PHLPP1: variants seen among roughly 807,000 people sequenced by gnomAD.
PHLPP1 encodes the protein PH domain leucine-rich repeat-containing protein phosphatase 1.
In PHLPP1, 42 loss-of-function variants were observed where a neutral mutation model predicts 117.2. The observed-to-expected ratio is 0.36, with a 90% confidence interval of 0.28 to 0.46. The LOEUF (loss-of-function observed/expected upper bound fraction) is 0.46. Among genes scored for constraint, PHLPP1 ranks in the 20% least tolerant of loss-of-function variants. PHLPP1 has a pLI of 1.00. For synonymous variants in PHLPP1, 1,042 were observed against 970.7 expected (o/e 1.07, Z -1.37); for missense variants, 2,084 against 2,241.9 (o/e 0.93, Z 1.42).
intron 13 of PHLPP1, among the ~76,000 whole-genome samples, chr18:62,962,374 C>G (rs1310760923): frequency 1.3e-5 from 2 of 152,194 alleles, no homozygotes; most frequent in African/African-American, 4.8e-5. Context: ...GTGGCACAAT[C>G]TTGGCTCACC....
intron 1 of PHLPP1, among the ~76,000 whole-genome samples, chr18:62,795,199 C>T (rs749345854): frequency 1.3e-5 from 2 of 151,880 alleles, no homozygotes; most frequent in Admixed American, 6.6e-5. Flanking sequence ...AAAAACTGGC[C>T]GGGCGCGATG....
chr18:62,917,394 C>G (rs981565459), intron 9 of PHLPP1, among the ~76,000 whole-genome samples: 14 of 58,256 alleles, frequency 2.4e-4, no homozygotes, highest in Admixed American at 1.5e-3. Context: ...AAACAGTATT[C>G]TTTGTGTGTG....
intron 1 of PHLPP1, among the ~76,000 whole-genome samples, chr18:62,789,134 G>C (rs890456587): frequency 6.6e-6 from 1 of 152,170 alleles, no homozygotes; most frequent in Non-Finnish European, 1.5e-5. Context: ...TGAGCACACA[G>C]GGGGTGGGGA....
At chr18:62,813,365 T>G (rs1249130258) in intron 1 of PHLPP1, among the ~76,000 whole-genome samples, 2 of 152,114 alleles carry the variant, frequency 1.3e-5, no homozygotes, top group African/African-American at 4.8e-5. Flanking sequence ...TGGAATCGTG[T>G]AATGGAGGGA....
At chr18:62,722,114 G>T (rs527251951) in intron 1 of PHLPP1, among the ~76,000 whole-genome samples, 1 of 152,304 alleles carries the variant, frequency 6.6e-6, no homozygotes, top group African/African-American at 2.4e-5. Flanking sequence ...CATGGCAGGA[G>T]ATTTTAGATG....
At chr18:62,866,879 C>T (rs1444293071) in intron 4 of PHLPP1, among the ~76,000 whole-genome samples, 1 of 151,996 alleles carries the variant, frequency 6.6e-6, no homozygotes, top group East Asian at 1.9e-4. Context: ...ACTGCACACA[C>T]CCTCTCTCCC....
chr18:62,801,864 A>G (rs537206420), intron 1 of PHLPP1, among the ~76,000 whole-genome samples: 25 of 152,134 alleles, frequency 1.6e-4, no homozygotes, highest in Non-Finnish European at 2.8e-4. Flanking sequence ...TGTTTTTCTC[A>G]TATTTCATAT....
At chr18:62,790,735 A>G (rs959351877) in intron 1 of PHLPP1, among the ~76,000 whole-genome samples, 1 of 152,152 alleles carries the variant, frequency 6.6e-6, no homozygotes, top group Non-Finnish European at 1.5e-5. Context: ...GAAACTGTGG[A>G]TAGAAAGATT....
At chr18:62,810,197 G>C (rs1198569292) in intron 1 of PHLPP1, among the ~76,000 whole-genome samples, 1 of 152,178 alleles carries the variant, frequency 6.6e-6, no homozygotes, top group East Asian at 1.9e-4. Context: ...TGTATCTATA[G>C]TAGTTTGAAT....
intron 1 of PHLPP1, among the ~76,000 whole-genome samples, chr18:62,722,259 A>G (rs1179454245): frequency 6.6e-6 from 1 of 152,216 alleles, no homozygotes; most frequent in African/African-American, 2.4e-5. Flanking sequence ...TTAATTTTGC[A>G]GTGAATTTAA....
chr18:62,722,615 G>T (rs1910956141), intron 1 of PHLPP1, among the ~76,000 whole-genome samples: 1 of 151,906 alleles, frequency 6.6e-6, no homozygotes, highest in South Asian at 2.1e-4. Context: ...GTGATTCTAC[G>T]GCAAACCCTT....
At chr18:62,892,108 T>TAC (rs1555680028) in intron 4 of PHLPP1, among the ~76,000 whole-genome samples, 36 of 117,240 alleles carry the variant, frequency 3.1e-4, no homozygotes, top group Non-Finnish European at 4.2e-4. Context: ...TTTTTTTTTT[T>TAC]ACGGAGTTTT....
At chr18:62,774,568 T>C (rs1599040829) in intron 1 of PHLPP1, among the ~76,000 whole-genome samples, 1 of 152,338 alleles carries the variant, frequency 6.6e-6, no homozygotes, top group East Asian at 1.9e-4. Flanking sequence ...CATCCCTTCT[T>C]TTAAAAGAGG....
intron 1 of PHLPP1, among the ~76,000 whole-genome samples, chr18:62,805,547 C>G (rs548675827): frequency 6.6e-6 from 1 of 152,094 alleles, no homozygotes; most frequent in Non-Finnish European, 1.5e-5. Context: ...TTTGTAGAGA[C>G]TGAGAGTCTT....
chr18:62,913,916 G>T (rs1454639815), intron 8 of PHLPP1, among the ~76,000 whole-genome samples: 1 of 151,712 alleles, frequency 6.6e-6, no homozygotes, highest in African/African-American at 2.4e-5. Context: ...GCTAATTTTT[G>T]TATTTTTTTA....
At chr18:62,750,600 CA>C (rs2093862532) in intron 1 of PHLPP1, among the ~76,000 whole-genome samples, 2 of 152,074 alleles carry the variant, frequency 1.3e-5, no homozygotes, top group Admixed American at 6.6e-5. Context: ...TTGTCTTTTG[CA>C]TTTATTGCCC....
At chr18:62,740,121 C>T (rs1437586847) in intron 1 of PHLPP1, among the ~76,000 whole-genome samples, 2 of 149,420 alleles carry the variant, frequency 1.3e-5, no homozygotes, top group East Asian at 4.0e-4. Flanking sequence ...GCTTGTAGTT[C>T]CCTGCTCCTA....
intron 1 of PHLPP1, among the ~76,000 whole-genome samples, chr18:62,783,655 A>G (rs1180559289): frequency 2.7e-5 from 4 of 150,778 alleles, no homozygotes; most frequent in Non-Finnish European, 5.9e-5. Context: ...TGAAGCCTTG[A>G]AGAAAAGCTT....
chr18:62,892,429 C>T (rs1419028579), intron 4 of PHLPP1, among the ~76,000 whole-genome samples: 1 of 151,604 alleles, frequency 6.6e-6, no homozygotes, highest in Non-Finnish European at 1.5e-5. Context: ...CTTTTAATAT[C>T]TGGCTGGATT....
Sources: allele counts gnomAD v4.1 joint callset (sites outside exome capture counted in the v4.1 genomes callset), GRCh38; gene constraint gnomAD v4.1.1; transcripts MANE v1.5; gene names NCBI Gene and HGNC (gene_info 2026-07-23, HGNC 2026-07-21).